DNAH6: variants seen among roughly 807,000 people sequenced by gnomAD.
The protein encoded by DNAH6 is axonemal beta dynein heavy chain 6.
A neutral mutation model predicts 491.4 loss-of-function variants in DNAH6; 340 were observed. The observed-to-expected ratio is 0.69, with a 90% confidence interval of 0.63 to 0.76. DNAH6 has a LOEUF of 0.76. Among genes scored for constraint, DNAH6 ranks in the 30% least tolerant of loss-of-function variants. The pLI is 0.00. For missense variants in DNAH6, 4,443 were observed against 4,972.2 expected, an observed-to-expected ratio of 0.89 and a Z score of 3.20; for synonymous variants, 1,603 against 1,686.1, an observed-to-expected ratio of 0.95 and a Z score of 1.21.
At chr2:84,777,495 A>C in intron 64 of DNAH6, 1 of 706,302 alleles carries the variant, frequency 1.4e-6, no homozygotes, top group Non-Finnish European at 2.6e-6. Flanking sequence ...TCTGCCACAG[A>C]GGGTCCAATG....
Position 84,611,713 on chromosome 2 carries a change from G to A in DNAH6, c.3334G>A (p.Glu1112Lys). ...LTCQRNWLYL[E>K]SIFNAPDIQR... is the part of the protein sequence containing the mutation. ...CTGCCAGAGAAACTGGCTCTACCTA[G>A]AAAGTATTTTCAATGCTCCAGACAT... The change falls in exon 22 of 77, where the codon GAA (glutamate) becomes AAA (lysine). Residue 1112 changes from glutamate to lysine, a missense_variant. Transcript: ENST00000389394. The A allele has an allele frequency of 6.4e-7, 1 of 1,551,050 alleles. No individual in the cohort carries two copies. The highest frequency in any genetic ancestry group is 8.7e-7 in the Non-Finnish European group (1 of 1,146,592).
chr2:84,581,915 T>G (rs1369911496), intron 14 of DNAH6, among the ~76,000 whole-genome samples: 1 of 152,030 alleles, frequency 6.6e-6, no homozygotes, highest in Non-Finnish European at 1.5e-5. Flanking sequence ...ATAGGGAGGG[T>G]AGGCTACATA....
chr2:84,560,323 C>A (rs568232771), intron 11 of DNAH6, among the ~76,000 whole-genome samples: 1 of 151,190 alleles, frequency 6.6e-6, no homozygotes, highest in Non-Finnish European at 1.5e-5. Context: ...AAACAACATA[C>A]GAAGTAAGGC....
chr2:84,731,975 G>A (rs1159316213), intron 61 of DNAH6, among the ~76,000 whole-genome samples: 1 of 152,100 alleles, frequency 6.6e-6, no homozygotes, highest in Non-Finnish European at 1.5e-5. Context: ...ATGCAGTCAG[G>A]GAAAGAAACT....
intron 74 of DNAH6, 129 bp from the exon 75 acceptor site, chr2:84,813,842 A>T: frequency 1.1e-6 from 1 of 887,168 alleles, no homozygotes; most frequent in Non-Finnish European, 1.7e-6. Flanking sequence ...GGAAGGTATT[A>T]AGAGTTGGGT....
chr2:84,531,984 C>A (rs185652001), intron 4 of DNAH6, among the ~76,000 whole-genome samples: 3 of 152,156 alleles, frequency 2.0e-5, no homozygotes, highest in Non-Finnish European at 2.9e-5. Context: ...ATTCTTGATT[C>A]ATATGTGAAA....
chr2:84,673,659 T>C (rs1052260107), intron 40 of DNAH6, among the ~76,000 whole-genome samples: 19 of 152,206 alleles, frequency 1.2e-4, no homozygotes, highest in Admixed American at 2.0e-4. Flanking sequence ...ACTGGAGAAC[T>C]TGGAGTCCGA....
chr2:84,579,885 A>G (rs1390563594), intron 14 of DNAH6, among the ~76,000 whole-genome samples: 4 of 152,224 alleles, frequency 2.6e-5, no homozygotes, highest in African/African-American at 9.6e-5. Context: ...ATCGTATTAC[A>G]CTTTCTACAT....
At chr2:84,804,541 A>G (rs1174220483) in intron 70 of DNAH6, among the ~76,000 whole-genome samples, 3 of 152,076 alleles carry the variant, frequency 2.0e-5, no homozygotes, top group Non-Finnish European at 4.4e-5. Flanking sequence ...GAAAGTAAGT[A>G]TCATGAATAT....
chr2:84,769,664 A>G (rs184763735), intron 64 of DNAH6, among the ~76,000 whole-genome samples: 92 of 152,232 alleles, frequency 6.0e-4, no homozygotes, highest in African/African-American at 2.0e-3. Context: ...TCTTAATTTT[A>G]TTTAATCTAA....
Position 84,819,306 on chromosome 2 carries a change from A to T in DNAH6, c.12375A>T (p.Gly4125=). 6.5e-7 allele frequency: 1 copy of T among 1,546,364 alleles called. No homozygotes were observed. Among genetic ancestry groups the T allele is most frequent in the Non-Finnish European group, 8.7e-7 (1 of 1,143,798 alleles). Residue 4125 remains glycine, a splice_region_variant and synonymous_variant, in exon 77 of 77, where the codon GGA becomes GGT. Coordinates refer to ENST00000389394, the MANE Select transcript of DNAH6 (RefSeq NM_001370.2). ...GARAGTLSTT[G]HSTNFVVTVL... is the part of the protein sequence containing the mutation. ...TTTTTTTCCTATATCCTTAATTAGG[A>T]CATTCAACCAATTTTGTGGTAACCG...
chr2:84,465,104 G>T, the DNAH6 span, among the ~76,000 whole-genome samples: 11 of 152,300 alleles, frequency 7.2e-5, no homozygotes, highest in African/African-American at 2.4e-4. Flanking sequence ...AAGGTAGAGA[G>T]GAGCTCAGTC....
intron 62 of DNAH6, among the ~76,000 whole-genome samples, chr2:84,736,276 A>G (rs566796467): frequency 2.6e-5 from 4 of 152,204 alleles, no homozygotes; most frequent in East Asian, 3.9e-4. Context: ...GTTGAATAAC[A>G]TGGTGCCTCT....
At chr2:84,770,474 T>TGAGAATGA (rs1675499856) in intron 64 of DNAH6, among the ~76,000 whole-genome samples, 1 of 151,748 alleles carries the variant, frequency 6.6e-6, no homozygotes, top group African/African-American at 2.4e-5. Flanking sequence ...AAGGAAAACA[T>TGAGAATGA]GAGAATGATG....
rs1243956708 is a variant in DNAH6, at chr2:84,733,462, G to C, written c.10225G>C (p.Glu3409Gln). Residue 3409 changes from glutamate to glutamine, a missense_variant, in exon 62 of 77, where the codon GAA becomes CAA. By Grantham distance (29) the Glu-to-Gln change is conservative. Transcript: ENST00000389394. ...GLEKERPPKP[E>Q]APWLPTATWF... ...CAAACAGGAACGCCCACCTAAGCCT[G>C]AAGCTCCCTGGCTACCTACTGCTAC... The C allele has an allele frequency of 1.3e-6, 2 of 1,551,282 alleles. No homozygotes were observed. Among genetic ancestry groups the C allele is most frequent in the Middle Eastern group, 1.7e-4 (1 of 5,992 alleles).
intron 36 of DNAH6, 89 bp downstream of exon 36, chr2:84,658,563 T>C (rs2104589918): frequency 1.0e-6 from 1 of 952,596 alleles, no homozygotes; most frequent in East Asian, 2.9e-5. Flanking sequence ...TTCTAAAATA[T>C]AACCATTTGA....
rs373644197 is a variant in DNAH6, at chr2:84,730,552, TA to T, written c.10206+2660del. Among the ~76,000 whole-genome samples the T allele has an allele frequency of 7.4e-4, 110 of 149,546 alleles. 3 individuals carry two copies. The highest frequency in any genetic ancestry group is 5.4e-4 in the African/African-American group (22 of 40,820). On this transcript the variant is annotated intron_variant, in intron 61 of 76. Coordinates refer to ENST00000389394, the MANE Select transcript of DNAH6 (RefSeq NM_001370.2). ...TAACACTAATGACAGCTGATGAGCT[TA>T]AAAAAAAAATCTCAAAAAAAAAATC...
At chr2:84,671,000 T>C (rs1337483704) in intron 39 of DNAH6, among the ~76,000 whole-genome samples, 2 of 152,108 alleles carry the variant, frequency 1.3e-5, no homozygotes, top group Non-Finnish European at 2.9e-5. Flanking sequence ...AATTCAAAGT[T>C]CCTCCTCTCA....
intron 68 of DNAH6, among the ~76,000 whole-genome samples, chr2:84,791,629 A>ATAAAT: frequency 6.6e-6 from 1 of 150,904 alleles, no homozygotes; most frequent in Non-Finnish European, 1.5e-5. Flanking sequence ...CTGTAAATTT[A>ATAAAT]CCAAAAATTA....
Sources: allele counts gnomAD v4.1 joint callset (sites outside exome capture counted in the v4.1 genomes callset), GRCh38; gene constraint gnomAD v4.1.1; transcripts MANE v1.5; gene names NCBI Gene and HGNC (gene_info 2026-07-23, HGNC 2026-07-21).